CTBP1: variants seen among roughly 807,000 people sequenced by gnomAD.
CTBP1 encodes C-terminal binding protein 1.
CTBP1 carries 11 observed loss-of-function variants against 42.1 expected under a neutral mutation model. That is an observed-to-expected ratio of 0.26 (90% CI 0.16 to 0.43). The LOEUF is 0.43. CTBP1 is among the 20% of genes least tolerant of loss of function. CTBP1 has a pLI of 1.00. For missense variants in CTBP1, 399 were observed against 624.3 expected, an observed-to-expected ratio of 0.64 and a Z score of 3.85; for synonymous variants, 324 against 277.1, an observed-to-expected ratio of 1.17 and a Z score of -1.68.
upstream of CTBP1, chr4:1,249,627 C>T (rs1216644013): frequency 5.0e-6 from 2 of 402,862 alleles, no homozygotes; most frequent in South Asian, 1.7e-5. Context: ...CCCCCATCGC[C>T]CCCACCCGAG....
chr4:1,247,664 A>T (rs966229912), intron 1 of CTBP1, among the ~76,000 whole-genome samples: 19 of 150,932 alleles, frequency 1.3e-4, no homozygotes, highest in Non-Finnish European at 5.9e-5. Flanking sequence ...CTAGGAGCTC[A>T]GCGAGGACGG....
chr4:1,249,650 G>A (rs1369265575), upstream of CTBP1: 11 of 423,570 alleles, frequency 2.6e-5, no homozygotes, highest in Non-Finnish European at 4.3e-5. Flanking sequence ...CTGATTTACC[G>A]TCCGAGAGCC....
intron 2 of CTBP1, among the ~76,000 whole-genome samples, chr4:1,239,742 C>G (rs1451231939): frequency 6.6e-6 from 1 of 152,256 alleles, no homozygotes; most frequent in Admixed American, 6.5e-5. Context: ...CCGTGAGGTC[C>G]TCGCGCCCTG....
At chr4:1,219,114 T>C (rs1729461626) in intron 5 of CTBP1, among the ~76,000 whole-genome samples, 1 of 152,126 alleles carries the variant, frequency 6.6e-6, no homozygotes, top group Admixed American at 6.5e-5. Flanking sequence ...GGGTGACCAC[T>C]TGAGCCCAGG....
At chr4:1,250,017 C>T (rs1577093399), upstream of CTBP1, 1 of 159,148 alleles carries the variant, frequency 6.3e-6, no homozygotes, top group South Asian at 1.5e-4. Context: ...TTCCTCGCGC[C>T]GCGAGTGGAC....
rs528648390 is a variant in CTBP1, at chr4:1,212,562, G to A, written c.1107-139C>T. The A allele has an allele frequency of 4.2e-3, 3,253 of 772,028 alleles. 22 individuals carry two copies. Among genetic ancestry groups the A allele is most frequent in the South Asian group, 5.3e-3 (261 of 49,164 alleles). The allele number at this position is 772,028 out of a possible 1,614,324, so 47.8% of individuals were successfully genotyped here. ...AGGGTAAGGATCCCGGCCTTTACAC[G>A]GATGTTCCTGCCTATGGCAGCTACT... On this transcript the variant is annotated intron_variant, in intron 9 of 9. Transcript: ENST00000382952.
intron 1 of CTBP1, chr4:1,244,427 T>C (rs1263202357): frequency 3.0e-6 from 3 of 984,206 alleles, no homozygotes; most frequent in Non-Finnish European, 3.6e-6. Context: ...CCCTGTTCCT[T>C]CCCCAGCCTC....
intron 4 of CTBP1, among the ~76,000 whole-genome samples, chr4:1,226,463 C>T (rs1050772915): frequency 6.6e-6 from 1 of 151,814 alleles, no homozygotes; most frequent in East Asian, 1.9e-4. Context: ...TGATGTGGGG[C>T]GGCGCAGGCA....
At chr4:1,213,809 G>C (rs11937232) in intron 7 of CTBP1, 263,387 of 599,632 alleles carry the variant, frequency 0.44, 59,760 homozygotes, top group South Asian at 0.49. Flanking sequence ...GACAGCGGCG[G>C]GTGTGGGAGC....
chr4:1,221,945 AG>A, intron 5 of CTBP1: 1 of 338,282 alleles, frequency 3.0e-6, no homozygotes, highest in Non-Finnish European at 6.0e-6. Flanking sequence ...CGTAGAGCAG[AG>A]GAAGCGGCCG....
chr4:1,233,768 C>T lies in CTBP1; in HGVS notation c.162+4415G>A, dbSNP rs1170139297. Among the ~76,000 whole-genome samples the T allele has an allele frequency of 6.6e-6, 1 of 152,254 alleles. No individual in the cohort carries two copies. Among genetic ancestry groups the T allele is most frequent in the Non-Finnish European group, 1.5e-5 (1 of 68,048 alleles). On this transcript the variant is annotated intron_variant, in intron 3 of 9. Transcript: ENST00000382952. This position sits in a 1 kb window ranked among gnomAD's most constrained non-coding sequence, Gnocchi z 4.6. Reference sequence around the variant, plus strand: ...GACCGCACTGACGGTATCACGTTCTCTCCCTCCACGGCACTCAGACGGCGG... The same window carrying T: ...GACCGCACTGACGGTATCACGTTCTTTCCCTCCACGGCACTCAGACGGCGG...
At chr4:1,218,935 C>T (rs1193884181) in intron 5 of CTBP1, among the ~76,000 whole-genome samples, 1 of 152,136 alleles carries the variant, frequency 6.6e-6, no homozygotes, top group Non-Finnish European at 1.5e-5. Flanking sequence ...TCAGCAATTA[C>T]ACTAAAAATA....
At chr4:1,220,270 G>A (rs1336621257) in intron 5 of CTBP1, among the ~76,000 whole-genome samples, 1 of 146,340 alleles carries the variant, frequency 6.8e-6, no homozygotes, top group Non-Finnish European at 1.5e-5. Flanking sequence ...CAGCCTGGGC[G>A]ACAGAGCAAG....
intron 1 of CTBP1, among the ~76,000 whole-genome samples, chr4:1,247,121 G>A (rs1235924285): frequency 6.6e-6 from 1 of 152,200 alleles, no homozygotes; most frequent in Admixed American, 6.5e-5. Context: ...AATGACAAGC[G>A]AGTAAAAGGG....
At chr4:1,250,299 G>C (rs1017552864), upstream of CTBP1, 7 of 243,274 alleles carry the variant, frequency 2.9e-5, no homozygotes, top group African/African-American at 1.3e-4. Flanking sequence ...TGCGTGCCAC[G>C]TTCTGTTCTA....
upstream of CTBP1, chr4:1,249,719 G>A (rs1423005319): frequency 2.5e-6 from 1 of 398,920 alleles, no homozygotes; most frequent in Non-Finnish European, 5.1e-6. Context: ...CCCCAGGCGG[G>A]GGAGCCCCGA....
intron 2 of CTBP1, 79 bp downstream of exon 2, chr4:1,241,246 G>C (rs892328135): frequency 3.8e-6 from 3 of 781,062 alleles, no homozygotes; most frequent in Non-Finnish European, 7.1e-6. Context: ...GACTTGATCC[G>C]AGGCAGTGCC....
chr4:1,220,962 C>T lies in CTBP1; in HGVS notation c.514+4398G>A, dbSNP rs757290273. 1.8e-4 allele frequency among the ~76,000 whole-genome samples: 27 copies of T among 152,312 alleles called. No individual in the cohort carries two copies. In the Middle Eastern group the frequency reaches 0.01, roughly 58 times the overall value. Reference sequence around the variant, plus strand: ...GTATTCACCTAAAAAACGGGTGATACGCTGGGCTTCATAAAAACTGAAAAC... The same window carrying T: ...GTATTCACCTAAAAAACGGGTGATATGCTGGGCTTCATAAAAACTGAAAAC... On this transcript the variant is annotated intron_variant, in intron 5 of 9. Coordinates refer to ENST00000382952, the MANE Select transcript of CTBP1 (RefSeq NM_001012614.2).
At chr4:1,218,652 G>A (rs976722439) in intron 5 of CTBP1, 9 of 152,160 alleles carry the variant, frequency 5.9e-5, no homozygotes, top group Admixed American at 3.3e-4. Flanking sequence ...CATAATAGAC[G>A]TGGAAAATCG....
Sources: gnomAD v4.1 joint callset for allele counts (sites outside exome capture counted in the v4.1 genomes callset) on GRCh38, gnomAD v4.1.1 for gene constraint, Gnocchi (gnomAD v3.1) non-coding constraint, MANE v1.5 for transcripts, NCBI Gene and HGNC (gene_info 2026-07-23, HGNC 2026-07-21) for gene names.